Variants in DPP10 observed in about 807,000 individuals in gnomAD.
The protein encoded by DPP10 is dipeptidyl peptidase like 10, also known as inactive dipeptidyl peptidase 10.
In DPP10, 33 loss-of-function variants were observed where a neutral mutation model predicts 120.9. The observed-to-expected ratio is 0.27, with a 90% CI of 0.21 to 0.37. The LOEUF (loss-of-function observed/expected upper bound fraction) is 0.37. Ranked by LOEUF, DPP10 falls within the 10% of genes least tolerant of loss-of-function variation. The pLI is 1.00. For synonymous variants in DPP10, 337 were observed against 326.1 expected, an observed-to-expected ratio of 1.03 and a Z score of -0.36; for missense variants, 816 against 942.8, an observed-to-expected ratio of 0.87 and a Z score of 1.76.
At chr2:115,791,598 CTAAA>C (rs767107906) in intron 19 of DPP10, among the ~76,000 whole-genome samples, 6 of 152,170 alleles carry the variant, frequency 3.9e-5, no homozygotes, top group Non-Finnish European at 8.8e-5. Flanking sequence ...AATAGTGACA[CTAAA>C]TAGTTTGATT....
chr2:115,089,270 C>G (rs966311095), intron 1 of DPP10, among the ~76,000 whole-genome samples: 2 of 152,040 alleles, frequency 1.3e-5, no homozygotes, highest in African/African-American at 4.8e-5. Context: ...TGCCATTATT[C>G]TTACACACAG....
chr2:115,053,546 A>G (rs1048012687), intron 1 of DPP10, among the ~76,000 whole-genome samples: 2 of 152,206 alleles, frequency 1.3e-5, no homozygotes, highest in African/African-American at 4.8e-5. Context: ...TTGTTGTGAT[A>G]ATTAGACACC....
At chr2:115,280,157 G>A (rs950298783) in intron 1 of DPP10, among the ~76,000 whole-genome samples, 2 of 152,126 alleles carry the variant, frequency 1.3e-5, no homozygotes, top group Admixed American at 1.3e-4. Flanking sequence ...GGATCAACAG[G>A]CTTGTATGGA....
At chr2:115,199,489 C>A (rs1165343159) in intron 1 of DPP10, among the ~76,000 whole-genome samples, 1 of 151,984 alleles carries the variant, frequency 6.6e-6, no homozygotes, top group East Asian at 1.9e-4. Flanking sequence ...CATTAAGGGA[C>A]TTTTCATTAC....
At chr2:114,442,962 G>A in intron 1 of DPP10, 124 bp downstream of exon 1, 1 of 1,221,446 alleles carries the variant, frequency 8.2e-7, no homozygotes, top group African/African-American at 1.5e-5. Flanking sequence ...TTGAATTGAA[G>A]GTTGAGTCAC....
chr2:115,372,767 C>T (rs552222643), intron 3 of DPP10, among the ~76,000 whole-genome samples: 5 of 152,254 alleles, frequency 3.3e-5, no homozygotes, highest in South Asian at 2.1e-4. Context: ...GTAATGTAAG[C>T]GTTGCACCTG....
intron 1 of DPP10, among the ~76,000 whole-genome samples, chr2:114,720,518 GA>G (rs1701636920): frequency 6.6e-6 from 1 of 151,894 alleles, no homozygotes; most frequent in African/African-American, 2.4e-5. Context: ...AAAATTATTG[GA>G]AACAAAAAAA....
chr2:114,564,479 T>C (rs1478241502), intron 1 of DPP10, among the ~76,000 whole-genome samples: 2 of 152,176 alleles, frequency 1.3e-5, no homozygotes, highest in East Asian at 3.9e-4. Flanking sequence ...TGATTCTCAT[T>C]AACAACTAAG....
chr2:115,392,081 A>T (rs11678535), intron 3 of DPP10, among the ~76,000 whole-genome samples: 1 of 151,936 alleles, frequency 6.6e-6, no homozygotes, highest in East Asian at 1.9e-4. Flanking sequence ...ATGGTCATTA[A>T]GGTCCCTTTT....
intron 3 of DPP10, among the ~76,000 whole-genome samples, chr2:115,382,792 A>T (rs1574647142): frequency 6.6e-6 from 1 of 152,188 alleles, no homozygotes; most frequent in Non-Finnish European, 1.5e-5. Flanking sequence ...TATTCTTTTT[A>T]AAAAGGCTAG....
At position 115,217,154 on chromosome 2, in the gene DPP10, A is replaced by G. The variant is rs552770885; in HGVS notation, c.61-92085A>G. 3.9e-5 allele frequency among the ~76,000 whole-genome samples: 6 copies of G among 152,318 alleles called. No homozygotes were observed. In the East Asian group the frequency reaches 1.2e-3, roughly 29 times the overall value. ...CCAAGACACTTCATAATTAGGAGTA[A>G]GGAATAGGTTTTGAACATTTTAGTT... On this transcript the variant is annotated intron_variant, in intron 1 of 25. Coordinates refer to ENST00000410059, the MANE Select transcript of DPP10 (RefSeq NM_020868.6).
At chr2:115,306,703 AG>A (rs1203135638) in intron 1 of DPP10, among the ~76,000 whole-genome samples, 1 of 152,146 alleles carries the variant, frequency 6.6e-6, no homozygotes, top group Non-Finnish European at 1.5e-5. Flanking sequence ...GTCATTTCAG[AG>A]GAACCACACA....
chr2:115,172,789 A>G (rs1360537273), intron 1 of DPP10, among the ~76,000 whole-genome samples: 1 of 150,678 alleles, frequency 6.6e-6, no homozygotes, highest in Non-Finnish European at 1.5e-5. Flanking sequence ...GGACATAGAC[A>G]GAGCGATGGA....
At chr2:114,884,803 A>G (rs1691920043) in intron 1 of DPP10, among the ~76,000 whole-genome samples, 1 of 152,168 alleles carries the variant, frequency 6.6e-6, no homozygotes, top group African/African-American at 2.4e-5. Flanking sequence ...TATGAGTGAG[A>G]ACATACAATG....
At chr2:115,751,532 G>A (rs1678706861) in intron 10 of DPP10, among the ~76,000 whole-genome samples, 1 of 152,142 alleles carries the variant, frequency 6.6e-6, no homozygotes, top group African/African-American at 2.4e-5. Context: ...CAGATGTCTT[G>A]AAGAAATTGT....
intron 3 of DPP10, among the ~76,000 whole-genome samples, chr2:115,477,568 A>G (rs1467773414): frequency 3.9e-5 from 6 of 152,190 alleles, no homozygotes; most frequent in Non-Finnish European, 8.8e-5. Context: ...TAAGATGCCA[A>G]TAATGTCCAA....
chr2:115,065,430 T>G (rs567583016), intron 1 of DPP10: 2 of 152,228 alleles, frequency 1.3e-5, no homozygotes, highest in Admixed American at 1.3e-4. Context: ...ACTGTGAACC[T>G]GGAGGACTGC....
chr2:114,445,600 C>CAAG (rs1257656689), intron 1 of DPP10, among the ~76,000 whole-genome samples: 1 of 147,564 alleles, frequency 6.8e-6, no homozygotes, highest in African/African-American at 2.5e-5. Flanking sequence ...ACTTGAAGTT[C>CAAG]AAGAAGTGAT....
chr2:115,839,916 A>C (rs188178663), intron 24 of DPP10, among the ~76,000 whole-genome samples: 1 of 152,130 alleles, frequency 6.6e-6, no homozygotes, highest in East Asian at 1.9e-4. Flanking sequence ...CTCTATATTA[A>C]ATAGTTAGTC....
Sources: allele counts gnomAD v4.1 joint callset (sites outside exome capture counted in the v4.1 genomes callset), GRCh38; gene constraint gnomAD v4.1.1; transcripts MANE v1.5; gene names NCBI Gene and HGNC (gene_info 2026-07-23, HGNC 2026-07-21).